Variants in ZDHHC2 observed in about 807,000 individuals in gnomAD.
The protein encoded by ZDHHC2 is zDHHC palmitoyltransferase 2.
ZDHHC2 carries 51 observed loss-of-function variants against 55.6 expected under a neutral mutation model. The ratio of observed to expected loss-of-function variants is 0.92; its 90% CI spans 0.73 to 1.16. The LOEUF is 1.16. Among genes scored for constraint, ZDHHC2 ranks in the 50% most tolerant of loss-of-function variants. ZDHHC2 has a pLI of 0.00. For synonymous variants in ZDHHC2, 199 were observed against 152.9 expected, an observed-to-expected ratio of 1.30 and a Z score of -2.22; for missense variants, 491 against 442.4, an observed-to-expected ratio of 1.11 and a Z score of -0.99.
rs772117164 is a variant in ZDHHC2, at chr8:17,186,571, A to T, written c.252+146A>T. Reference sequence around the variant, plus strand: ...AAAAAAATTAGTATTTCTGTTAATAAATACTTGAATTTTCACCTGGAAATA... The same window carrying T: ...AAAAAAATTAGTATTTCTGTTAATATATACTTGAATTTTCACCTGGAAATA... On this transcript the variant is annotated intron_variant, in intron 3 of 12. Transcript: ENST00000262096. 5.7e-6 allele frequency: 3 copies of T among 522,210 alleles called. No homozygotes were observed. The African/African-American group carries it at 6.1e-5, about 11-fold the overall frequency. The allele number at this position is 522,210 out of a possible 1,614,324, so 32.3% of individuals were successfully genotyped here. A position where few individuals can be genotyped will look rare whatever the true frequency, so the allele number is the denominator to read the frequency against.
At chr8:17,190,526 A>G (rs1301710026) in intron 3 of ZDHHC2, among the ~76,000 whole-genome samples, 1 of 152,174 alleles carries the variant, frequency 6.6e-6, no homozygotes, top group African/African-American at 2.4e-5. Flanking sequence ...GTGAATTAAA[A>G]TTTGCCCTTT....
At chr8:17,217,105 G>A (rs868810767) in intron 11 of ZDHHC2, 67 bp from the exon 12 acceptor site, 1 of 1,502,686 alleles carries the variant, frequency 6.7e-7, no homozygotes, top group Non-Finnish European at 9.2e-7. Context: ...ATTCATAGAT[G>A]AATAAGAAGT....
intron 1 of ZDHHC2, among the ~76,000 whole-genome samples, chr8:17,169,064 A>C (rs1210295678): frequency 6.6e-6 from 1 of 152,162 alleles, no homozygotes; most frequent in African/African-American, 2.4e-5. Context: ...TTGGTCAGTC[A>C]TATGGTAATT....
intron 12 of ZDHHC2, among the ~76,000 whole-genome samples, chr8:17,219,585 C>T (rs1003221367): frequency 6.6e-6 from 1 of 151,882 alleles, no homozygotes; most frequent in South Asian, 2.1e-4. Context: ...GGTGAAACCC[C>T]GTCTCTACCA....
Position 17,221,513 on chromosome 8 carries a change from A to G in ZDHHC2, c.*1292A>G, listed in dbSNP as rs1420238213. 6.6e-6 allele frequency: 1 copy of G among 152,432 alleles called. No individual in the cohort carries two copies. Among genetic ancestry groups the G allele is most frequent in the East Asian group, 1.9e-4 (1 of 5,204 alleles). The allele number at this position is 152,432 out of a possible 1,614,324, so 9.4% of individuals were successfully genotyped here. ...AAAGCAGATTACCTTTTAAAACTGG[A>G]CCAACTAAGTAATTGGTATTTAATC... On this transcript the variant is annotated 3_prime_UTR_variant, in exon 13 of 13. Transcript: ENST00000262096.
chr8:17,219,306 T>C (rs1807803540), intron 12 of ZDHHC2, among the ~76,000 whole-genome samples: 1 of 150,146 alleles, frequency 6.7e-6, no homozygotes, highest in African/African-American at 2.4e-5. Flanking sequence ...ATATTTTTTC[T>C]CCTATTTTTG....
At chr8:17,177,278 G>A (rs1407442893) in intron 1 of ZDHHC2, among the ~76,000 whole-genome samples, 1 of 152,166 alleles carries the variant, frequency 6.6e-6, no homozygotes, top group Non-Finnish European at 1.5e-5. Flanking sequence ...ATTGGAGTTG[G>A]ATGAGGAGGT....
At chr8:17,173,367 G>T (rs990847797) in intron 1 of ZDHHC2, among the ~76,000 whole-genome samples, 7 of 152,134 alleles carry the variant, frequency 4.6e-5, no homozygotes, top group African/African-American at 1.7e-4. Flanking sequence ...GTTTAAATGA[G>T]ATCAACATTC....
chr8:17,196,092 CT>C (rs1202100658), intron 4 of ZDHHC2, among the ~76,000 whole-genome samples: 1 of 152,092 alleles, frequency 6.6e-6, no homozygotes, highest in Non-Finnish European at 1.5e-5. Context: ...TTTTATCTAT[CT>C]TTAAAATTTT....
At chr8:17,199,557 TCG>T (rs1806574604) in intron 6 of ZDHHC2, among the ~76,000 whole-genome samples, 2 of 135,788 alleles carry the variant, frequency 1.5e-5, no homozygotes, top group Admixed American at 8.1e-5. Context: ...GTCTTCGTCT[TCG>T]TCTTCTTCGT....
chr8:17,219,270 AAAAAAAAACAG>A (rs1807799010), intron 12 of ZDHHC2, among the ~76,000 whole-genome samples: 1 of 150,894 alleles, frequency 6.6e-6, no homozygotes, highest in African/African-American at 2.4e-5. Flanking sequence ...AAAAAAAAAA[AAAAAAAAACAG>A]AAAAAAAACA....
chr8:17,207,221 C>T (rs936742679), intron 7 of ZDHHC2, among the ~76,000 whole-genome samples: 8 of 152,282 alleles, frequency 5.3e-5, no homozygotes, highest in Admixed American at 1.3e-4. Flanking sequence ...AGAGACACCT[C>T]GTGGCAGCCA....
At chr8:17,199,131 A>G (rs1806479988) in intron 6 of ZDHHC2, among the ~76,000 whole-genome samples, 1 of 152,164 alleles carries the variant, frequency 6.6e-6, no homozygotes, top group Non-Finnish European at 1.5e-5. Flanking sequence ...AGAAAGGTAG[A>G]CATGCCCACA....
chr8:17,200,342 T>C (rs1806688330), intron 6 of ZDHHC2, among the ~76,000 whole-genome samples: 1 of 152,230 alleles, frequency 6.6e-6, no homozygotes, highest in African/African-American at 2.4e-5. Flanking sequence ...GCCTGGCCGG[T>C]AAAAAATGCT....
chr8:17,176,204 T>C (rs1805122794), intron 1 of ZDHHC2, among the ~76,000 whole-genome samples: 1 of 152,126 alleles, frequency 6.6e-6, no homozygotes, highest in African/African-American at 2.4e-5. Flanking sequence ...TCCATTGAGG[T>C]AGTCGATTGC....
intron 6 of ZDHHC2, among the ~76,000 whole-genome samples, chr8:17,201,182 A>G (rs988130098): frequency 3.3e-5 from 5 of 152,194 alleles, no homozygotes; most frequent in Admixed American, 2.6e-4. Flanking sequence ...TTCTTCCACT[A>G]TGCACAGAGA....
intron 1 of ZDHHC2, among the ~76,000 whole-genome samples, chr8:17,183,554 A>T (rs1487877485): frequency 1.3e-5 from 2 of 152,178 alleles, no homozygotes; most frequent in East Asian, 3.9e-4. Flanking sequence ...GGAGTGGAGA[A>T]CCTAGGAAGC....
intron 1 of ZDHHC2, among the ~76,000 whole-genome samples, chr8:17,170,678 C>G (rs889602450): frequency 6.6e-6 from 1 of 152,064 alleles, no homozygotes; most frequent in Non-Finnish European, 1.5e-5. Flanking sequence ...AACGTTTGGT[C>G]ATGAAAAATA....
intron 3 of ZDHHC2, among the ~76,000 whole-genome samples, chr8:17,191,830 A>AT (rs1188441242): frequency 6.6e-6 from 1 of 152,146 alleles, no homozygotes; most frequent in Non-Finnish European, 1.5e-5. Flanking sequence ...TTTTGGGTAT[A>AT]TACTCACAGT....
Sources: gnomAD v4.1 joint callset for allele counts (sites outside exome capture counted in the v4.1 genomes callset) on GRCh38, gnomAD v4.1.1 for gene constraint, MANE v1.5 for transcripts, NCBI Gene and HGNC (gene_info 2026-07-23, HGNC 2026-07-21) for gene names.